The following ANKS1B variants were observed in gnomAD, a reference collection of about 807,000 sequenced individuals.
ANKS1B encodes ankyrin repeat and sterile alpha motif domain-containing protein 1B.
A neutral mutation model predicts 148.3 loss-of-function variants in ANKS1B; 36 were observed. The observed-to-expected ratio is 0.24, with a 90% CI of 0.19 to 0.32. ANKS1B has a LOEUF of 0.32. Ranked by LOEUF, ANKS1B falls within the 10% of genes least tolerant of loss-of-function variation. The pLI is 1.00. For synonymous variants in ANKS1B, 542 were observed against 560.8 expected (o/e 0.97, Z 0.47); for missense variants, 1,157 against 1,542.6 (o/e 0.75, Z 4.19).
rs149051988 is a variant in ANKS1B, at chr12:98,964,093, C to T, written c.2778+89064G>A. On this transcript the variant is annotated intron_variant, in intron 17 of 26. Transcript: ENST00000683438. ...AGCCTGGGCAACAAAAGCAAAACTC[C>T]GCCTCAAAAAAAAAAATCTAATAAT... Among the ~76,000 whole-genome samples the T allele has an allele frequency of 6.6e-3, 991 of 150,794 alleles. 8 individuals carry two copies. The highest frequency in any genetic ancestry group is 0.023 in the African/African-American group (940 of 40,914).
chr12:99,075,769 CTAT>C (rs1419015568), intron 16 of ANKS1B, among the ~76,000 whole-genome samples: 8 of 148,526 alleles, frequency 5.4e-5, no homozygotes, highest in African/African-American at 2.0e-4. Flanking sequence ...AACATTATAT[CTAT>C]TATTATATCT....
At chr12:99,807,025 A>G (rs992233377) in intron 3 of ANKS1B, among the ~76,000 whole-genome samples, 2 of 152,206 alleles carry the variant, frequency 1.3e-5, no homozygotes, top group African/African-American at 4.8e-5. Context: ...TGCATGGTGC[A>G]TCACATCTTT....
intron 12 of ANKS1B, among the ~76,000 whole-genome samples, chr12:99,267,403 T>C (rs987306702): frequency 6.6e-6 from 1 of 152,200 alleles, no homozygotes; most frequent in Admixed American, 6.5e-5. Flanking sequence ...TTAGTTCCTC[T>C]TATAAAATAG....
chr12:99,197,711 T>A (rs1428965802), intron 14 of ANKS1B, among the ~76,000 whole-genome samples: 1 of 152,118 alleles, frequency 6.6e-6, no homozygotes, highest in Non-Finnish European at 1.5e-5. Context: ...AATCAAGAAA[T>A]GTGGGTGGCC....
chr12:99,744,513 C>G (rs759243501), intron 8 of ANKS1B, among the ~76,000 whole-genome samples: 1 of 152,174 alleles, frequency 6.6e-6, no homozygotes, highest in African/African-American at 2.4e-5. Context: ...TGAAGGAAAT[C>G]CTGAAATCAA....
intron 17 of ANKS1B, among the ~76,000 whole-genome samples, chr12:98,958,361 T>C (rs192471223): frequency 1.8e-4 from 27 of 152,342 alleles, no homozygotes; most frequent in Admixed American, 4.6e-4. Context: ...CACACAGCAA[T>C]ATATCTTAGA....
rs1600164779 is a variant in ANKS1B at position 99,107,716 on chromosome 12, C to T, written c.2527-22693G>A. On this transcript the variant is annotated intron_variant, in intron 15 of 26. Coordinates refer to ENST00000683438, the MANE Select transcript of ANKS1B (RefSeq NM_001352186.2). ...ACTTAAGTGAGTTGTAACACAGGCT[C>T]ACTTGTAGGTTTGCCACAATTTTCT... 2.0e-5 allele frequency among the ~76,000 whole-genome samples: 3 copies of T among 152,292 alleles called. No homozygotes were observed. The South Asian group carries it at 6.2e-4, about 32-fold the overall frequency.
At chr12:99,554,842 C>T (rs1186953790) in intron 9 of ANKS1B, among the ~76,000 whole-genome samples, 1 of 152,162 alleles carries the variant, frequency 6.6e-6, no homozygotes, top group East Asian at 1.9e-4. Flanking sequence ...AGTTCTCCTC[C>T]TCCTCCTACA....
At chr12:99,561,691 A>G (rs768465310) in intron 9 of ANKS1B, among the ~76,000 whole-genome samples, 2 of 152,090 alleles carry the variant, frequency 1.3e-5, no homozygotes, top group African/African-American at 4.8e-5. Context: ...AGTCCCATCT[A>G]CAGGCTCCAT....
intron 9 of ANKS1B, among the ~76,000 whole-genome samples, chr12:99,641,935 A>G (rs1221048429): frequency 6.6e-6 from 1 of 152,170 alleles, no homozygotes; most frequent in Non-Finnish European, 1.5e-5. Flanking sequence ...TAAAAGTATA[A>G]ATAGTCCATA....
intron 12 of ANKS1B, among the ~76,000 whole-genome samples, chr12:99,352,435 T>C (rs2091523500): frequency 6.6e-6 from 1 of 151,896 alleles, no homozygotes; most frequent in Non-Finnish European, 1.5e-5. Flanking sequence ...GAGAACAGCT[T>C]GCTCAGACAG....
chr12:98,758,415 A>G (rs2098315161), intron 25 of ANKS1B, among the ~76,000 whole-genome samples: 1 of 152,336 alleles, frequency 6.6e-6, no homozygotes, highest in Admixed American at 6.5e-5. Context: ...AGTTTAAAAA[A>G]CATGTGAGCC....
intron 12 of ANKS1B, among the ~76,000 whole-genome samples, chr12:99,308,299 C>T (rs2082636031): frequency 6.6e-6 from 1 of 151,976 alleles, no homozygotes; most frequent in South Asian, 2.1e-4. Flanking sequence ...CATACTTCTT[C>T]TTTAAATGTG....
chr12:99,817,533 A>G (rs2082025682), intron 2 of ANKS1B, among the ~76,000 whole-genome samples: 1 of 151,504 alleles, frequency 6.6e-6, no homozygotes, highest in African/African-American at 2.4e-5. Flanking sequence ...TGTACCCAGC[A>G]GGGGCATTGT....
chr12:98,882,530 C>A (rs1380657907), intron 17 of ANKS1B, among the ~76,000 whole-genome samples: 2 of 152,122 alleles, frequency 1.3e-5, no homozygotes, highest in African/African-American at 2.4e-5. Context: ...AGATTAATAA[C>A]TGCTTTTTAA....
At chr12:99,156,253 G>C (rs1392122357) in intron 14 of ANKS1B, among the ~76,000 whole-genome samples, 1 of 151,938 alleles carries the variant, frequency 6.6e-6, no homozygotes, top group African/African-American at 2.4e-5. Context: ...TCTATTTCCT[G>C]TTTTAAGTTT....
intron 10 of ANKS1B, among the ~76,000 whole-genome samples, chr12:99,460,126 A>C (rs2095926897): frequency 6.6e-6 from 1 of 152,160 alleles, no homozygotes; most frequent in Non-Finnish European, 1.5e-5. Flanking sequence ...GTTTACTGTC[A>C]ACCAGTCTTT....
At chr12:99,527,275 C>T (rs541862635) in intron 9 of ANKS1B, among the ~76,000 whole-genome samples, 1 of 152,110 alleles carries the variant, frequency 6.6e-6, no homozygotes, top group East Asian at 1.9e-4. Flanking sequence ...CATATTTACT[C>T]CTTGGGAAAA....
chr12:99,634,840 T>C (rs1372871619), intron 9 of ANKS1B, among the ~76,000 whole-genome samples: 1 of 152,148 alleles, frequency 6.6e-6, no homozygotes, highest in Non-Finnish European at 1.5e-5. Flanking sequence ...AGGCAATCTA[T>C]GAAATGGGAG....
Sources: gnomAD v4.1 joint callset for allele counts (sites outside exome capture counted in the v4.1 genomes callset) on GRCh38, gnomAD v4.1.1 for gene constraint, MANE v1.5 for transcripts, NCBI Gene and HGNC (gene_info 2026-07-23, HGNC 2026-07-21) for gene names.